TMEM143: variants seen among roughly 807,000 people sequenced by gnomAD.
TMEM143 encodes transmembrane protein 143.
In TMEM143, 45 loss-of-function variants were observed where a neutral mutation model predicts 40.3. The observed-to-expected ratio is 1.12, with a 90% CI of 0.88 to 1.43. TMEM143 has a LOEUF of 1.43. Ranked by LOEUF, TMEM143 falls within the 40% of genes most tolerant of loss-of-function variation. TMEM143 has a pLI of 0.00. For synonymous variants in TMEM143, 299 were observed against 282.7 expected (o/e 1.06, Z -0.58); for missense variants, 620 against 613.4 (o/e 1.01, Z -0.11).
chr19:48,349,182 C>CT (rs1491416334), intron 3 of TMEM143, among the ~76,000 whole-genome samples: 1 of 151,572 alleles, frequency 6.6e-6, no homozygotes, highest in South Asian at 2.1e-4. Flanking sequence ...ACAGAGAAGA[C>CT]CCTGTCTTCA....
rs370580128 is a variant in TMEM143, at chr19:48,363,337, C to G, written c.218G>C (p.Arg73Pro). 1.2e-6 allele frequency: 2 copies of G among 1,614,092 alleles called. No individual in the cohort carries two copies. The highest frequency in any genetic ancestry group is 1.3e-5 in the African/African-American group (1 of 74,940). ...CTGCTCCTTGGAGAAGGGAATGAAG[C>G]GCTCGCGGTACTGCTGGGCCCAGTC... Reference protein sequence around the residue: ...PRDWAQQYRERFIPFSKEQLL... With the variant: ...PRDWAQQYREPFIPFSKEQLL... Residue 73 changes from arginine to proline, a missense_variant, in exon 2 of 8, where the codon CGC becomes CCC. Physicochemically the swap from Arg to Pro is moderately radical, Grantham distance 103. Transcript: ENST00000293261.
intron 1 of TMEM143, 57 bp from the exon 2 acceptor site, chr19:48,363,588 C>G: frequency 6.5e-7 from 1 of 1,539,082 alleles, no homozygotes; most frequent in Non-Finnish European, 8.7e-7. Context: ...AGCGCCCTCT[C>G]CACCTCCACG....
intron 3 of TMEM143, among the ~76,000 whole-genome samples, chr19:48,349,310 AG>A (rs1475454521): frequency 2.6e-5 from 4 of 152,104 alleles, no homozygotes; most frequent in Non-Finnish European, 4.4e-5. Context: ...TCACCATTGA[AG>A]TCTTACTCTC....
chr19:48,361,966 CAT>C (rs1438354005), intron 2 of TMEM143, among the ~76,000 whole-genome samples: 2 of 152,128 alleles, frequency 1.3e-5, no homozygotes, highest in African/African-American at 4.8e-5. Flanking sequence ...TGAGATTACA[CAT>C]GTCCTATATA....
intron 3 of TMEM143, among the ~76,000 whole-genome samples, chr19:48,354,251 G>A (rs1183257915): frequency 6.4e-5 from 9 of 139,942 alleles, no homozygotes; most frequent in Non-Finnish European, 9.1e-5. Flanking sequence ...GAGCCACCGC[G>A]CCCAGACTTT....
intron 6 of TMEM143, among the ~76,000 whole-genome samples, chr19:48,340,448 G>T (rs888382313): frequency 6.6e-6 from 1 of 151,788 alleles, no homozygotes; most frequent in African/African-American, 2.4e-5. Flanking sequence ...GTTATTTTTT[G>T]ATTTGGGGTT....
intron 6 of TMEM143, among the ~76,000 whole-genome samples, chr19:48,337,327 T>C (rs1969393890): frequency 1.3e-5 from 2 of 151,948 alleles, no homozygotes; most frequent in African/African-American, 4.8e-5. Flanking sequence ...GGCGGGCGGA[T>C]CACGAGGTCA....
At chr19:48,344,743 G>A (rs1423545650) in intron 4 of TMEM143, among the ~76,000 whole-genome samples, 1 of 151,920 alleles carries the variant, frequency 6.6e-6, no homozygotes, top group Non-Finnish European at 1.5e-5. Flanking sequence ...TTTCACTCTT[G>A]TTGCCCAGGC....
intron 3 of TMEM143, among the ~76,000 whole-genome samples, chr19:48,349,205 C>T (rs1250751890): frequency 2.6e-5 from 4 of 151,704 alleles, no homozygotes; most frequent in South Asian, 2.1e-4. Context: ...ACAACAACAA[C>T]GACAAACCAG....
intron 3 of TMEM143, among the ~76,000 whole-genome samples, chr19:48,352,000 C>A (rs1419048435): frequency 1.3e-5 from 2 of 151,920 alleles, no homozygotes; most frequent in Non-Finnish European, 2.9e-5. Context: ...GTAATCCCAG[C>A]ATTTTGAGAG....
At chr19:48,340,022 C>A (rs938558421) in intron 6 of TMEM143, among the ~76,000 whole-genome samples, 1 of 151,886 alleles carries the variant, frequency 6.6e-6, no homozygotes, top group African/African-American at 2.4e-5. Context: ...AGCCACTGCA[C>A]CCAGCCAAGG....
At chr19:48,354,022 G>C (rs1053134239) in intron 3 of TMEM143, among the ~76,000 whole-genome samples, 4 of 151,784 alleles carry the variant, frequency 2.6e-5, no homozygotes, top group Non-Finnish European at 5.9e-5. Context: ...GCAGTGGTGC[G>C]ATCTTGGCTC....
chr19:48,347,531 G>A (rs1388006692), intron 3 of TMEM143, among the ~76,000 whole-genome samples: 1 of 151,628 alleles, frequency 6.6e-6, no homozygotes, highest in Non-Finnish European at 1.5e-5. Flanking sequence ...TTGGCAACAC[G>A]GTGAAATCCT....
At chr19:48,344,903 T>C (rs573637933) in intron 4 of TMEM143, among the ~76,000 whole-genome samples, 97 of 152,192 alleles carry the variant, frequency 6.4e-4, no homozygotes, top group Non-Finnish European at 1.3e-3. Context: ...AGATGGGGTT[T>C]CACCATGTTG....
chr19:48,358,998 G>A (rs1407905872), intron 3 of TMEM143, among the ~76,000 whole-genome samples: 3 of 152,072 alleles, frequency 2.0e-5, no homozygotes, highest in African/African-American at 4.8e-5. Context: ...GTGAAACCCA[G>A]TCTCTACAAA....
rs1170962548 is a variant in TMEM143 at position 48,342,631 on chromosome 19, T to TCGCC, written c.870_873dup (p.Ile292GlyfsTer119). 6.2e-7 allele frequency: 1 copy of TCGCC among 1,613,910 alleles called. No individual in the cohort carries two copies. Among genetic ancestry groups the TCGCC allele is most frequent in the East Asian group, 2.2e-5 (1 of 44,878 alleles). On this transcript the variant is annotated frameshift_variant, in exon 6 of 8. Transcript: ENST00000293261. LOFTEE classifies it high-confidence loss of function. Reference sequence around the variant, plus strand: ...ACCACCATGCCCACGTTGACGAAGATCGCCACGCCGGAGACTACCAGCATG... The same window carrying TCGCC: ...ACCACCATGCCCACGTTGACGAAGATCGCCCGCCACGCCGGAGACTACCAGCATG...
chr19:48,345,607 C>T (rs961098099), intron 3 of TMEM143, among the ~76,000 whole-genome samples: 4 of 150,388 alleles, frequency 2.7e-5, no homozygotes, highest in South Asian at 4.2e-4. Context: ...TACAGGCGCA[C>T]GCCACCATGC....
At chr19:48,359,508 T>TG (rs1262676137) in intron 3 of TMEM143, among the ~76,000 whole-genome samples, 1 of 129,644 alleles carries the variant, frequency 7.7e-6, no homozygotes, top group Non-Finnish European at 1.6e-5. Flanking sequence ...CACCCCTCTT[T>TG]GTTTTTTTTT....
intron 3 of TMEM143, among the ~76,000 whole-genome samples, chr19:48,347,554 C>CT (rs1309165553): frequency 0.049 from 6,250 of 128,418 alleles, 185 homozygotes; most frequent in Non-Finnish European, 0.062. Flanking sequence ...CTCTACAAAA[C>CT]TTTTTTTTTT....
Sources: allele counts gnomAD v4.1 joint callset (sites outside exome capture counted in the v4.1 genomes callset), GRCh38; gene constraint gnomAD v4.1.1; transcripts MANE v1.5; gene names NCBI Gene and HGNC (gene_info 2026-07-23, HGNC 2026-07-21).